Variants in CTNNA2 observed in about 807,000 individuals in gnomAD.
CTNNA2 encodes catenin alpha-2.
In CTNNA2, 42 loss-of-function variants were observed where a neutral mutation model predicts 101.0. That is an observed-to-expected ratio of 0.42 (90% CI 0.32 to 0.54). The LOEUF (loss-of-function observed/expected upper bound fraction) is 0.54. Ranked by LOEUF, CTNNA2 falls within the 20% of genes least tolerant of loss-of-function variation. CTNNA2 has a pLI of 0.14. For missense variants in CTNNA2, 871 were observed against 1,223.1 expected (o/e 0.71, Z 4.29); for synonymous variants, 450 against 456.4 (o/e 0.99, Z 0.18).
intron 4 of CTNNA2, among the ~76,000 whole-genome samples, chr2:79,472,284 G>C (rs1005837392): frequency 3.3e-5 from 5 of 152,236 alleles, no homozygotes; most frequent in African/African-American, 1.2e-4. Context: ...TTCATGCCCT[G>C]CCTTCAGGTG....
chr2:79,622,364 C>G (rs1679048137), intron 1 of CTNNA2, among the ~76,000 whole-genome samples: 1 of 152,102 alleles, frequency 6.6e-6, no homozygotes, highest in African/African-American at 2.4e-5. Flanking sequence ...ATGCGTTAAA[C>G]TCTGAAACAG....
At chr2:80,429,469 G>T (rs145456030) in intron 9 of CTNNA2, among the ~76,000 whole-genome samples, 1,851 of 152,192 alleles carry the variant, frequency 0.012, 31 homozygotes, top group African/African-American at 0.043. Flanking sequence ...GTGCCACACT[G>T]CCCCCAGGCT....
chr2:80,624,326 T>C (rs772300322), intron 18 of CTNNA2, among the ~76,000 whole-genome samples: 5 of 152,040 alleles, frequency 3.3e-5, no homozygotes, highest in Non-Finnish European at 4.4e-5. Flanking sequence ...CTATATGGTC[T>C]ATGTTGAAAA....
At chr2:80,592,724 T>A (rs1347441864) in intron 15 of CTNNA2, among the ~76,000 whole-genome samples, 3 of 151,800 alleles carry the variant, frequency 2.0e-5, no homozygotes, top group African/African-American at 7.3e-5. Context: ...TATATCTCAT[T>A]GGAGAGTCAC....
chr2:79,527,318 AC>A (rs1672467947), intron 1 of CTNNA2, among the ~76,000 whole-genome samples: 1 of 151,942 alleles, frequency 6.6e-6, no homozygotes, highest in South Asian at 2.1e-4. Flanking sequence ...ACGAGATCAC[AC>A]CTGCTAGACG....
At chr2:80,117,627 C>A (rs1045947122) in intron 7 of CTNNA2, among the ~76,000 whole-genome samples, 1 of 152,138 alleles carries the variant, frequency 6.6e-6, no homozygotes, top group Non-Finnish European at 1.5e-5. Context: ...TGTGAAGTCA[C>A]AGCTGGCTTT....
intron 7 of CTNNA2, among the ~76,000 whole-genome samples, chr2:80,392,678 A>G (rs11896302): frequency 0.19 from 28,993 of 152,098 alleles, 3,551 homozygotes; most frequent in African/African-American, 0.36. Flanking sequence ...CCACTACATG[A>G]CAGAGCAGAG....
At chr2:79,746,520 C>T (rs1038887172) in intron 3 of CTNNA2, among the ~76,000 whole-genome samples, 1 of 152,198 alleles carries the variant, frequency 6.6e-6, no homozygotes, top group African/African-American at 2.4e-5. Context: ...GAATGCAATG[C>T]ATGTCTATTG....
chr2:80,619,311 T>G, intron 18 of CTNNA2, 83 bp downstream of exon 18: 1 of 1,338,702 alleles, frequency 7.5e-7, no homozygotes, highest in Non-Finnish European at 9.7e-7. Context: ...TTTAGGGAAA[T>G]AAAAATGTGC....
chr2:80,008,892 A>G (rs914596122), intron 7 of CTNNA2, among the ~76,000 whole-genome samples: 4 of 152,212 alleles, frequency 2.6e-5, no homozygotes, highest in South Asian at 4.1e-4. Flanking sequence ...GATACTGACT[A>G]TCAACTTTTG....
intron 4 of CTNNA2, among the ~76,000 whole-genome samples, chr2:79,388,052 T>C (rs147907869): frequency 2.3e-4 from 35 of 152,288 alleles, no homozygotes; most frequent in African/African-American, 7.0e-4. Context: ...GAAATAATTG[T>C]GGTTTTTACT....
At chr2:79,441,542 G>A (rs1267542950) in intron 4 of CTNNA2, among the ~76,000 whole-genome samples, 2 of 152,052 alleles carry the variant, frequency 1.3e-5, no homozygotes, top group African/African-American at 2.4e-5. Flanking sequence ...AAACCACCAG[G>A]AAGTCCCTAC....
At chr2:80,089,919 C>A (rs545062444) in intron 7 of CTNNA2, among the ~76,000 whole-genome samples, 10 of 152,104 alleles carry the variant, frequency 6.6e-5, no homozygotes, top group South Asian at 6.2e-4. Context: ...CCCAGCTCTC[C>A]CCAGTTCTCT....
intron 4 of CTNNA2, among the ~76,000 whole-genome samples, chr2:79,499,662 A>C (rs926189041): frequency 5.3e-5 from 8 of 152,030 alleles, no homozygotes; most frequent in African/African-American, 7.2e-5. Context: ...CACTCACTCC[A>C]CACTGGCTAT....
At chr2:80,386,784 T>A (rs1677047785) in intron 7 of CTNNA2, among the ~76,000 whole-genome samples, 1 of 152,218 alleles carries the variant, frequency 6.6e-6, no homozygotes, top group South Asian at 2.1e-4. Flanking sequence ...TGAAGATTCC[T>A]TATACATTCA....
At chr2:79,589,661 G>A (rs947812072) in intron 1 of CTNNA2, among the ~76,000 whole-genome samples, 4 of 151,984 alleles carry the variant, frequency 2.6e-5, no homozygotes, top group South Asian at 2.1e-4. Context: ...AGGAGAGAAC[G>A]ATGTATGGCC....
intron 2 of CTNNA2, among the ~76,000 whole-genome samples, chr2:79,710,907 C>G (rs147839728): frequency 1.4e-3 from 212 of 152,278 alleles, no homozygotes; most frequent in African/African-American, 4.8e-3. Context: ...TATCCACAGG[C>G]TTTATGAGCT....
intron 4 of CTNNA2, among the ~76,000 whole-genome samples, chr2:79,398,495 C>T (rs1362586175): frequency 6.6e-6 from 1 of 151,962 alleles, no homozygotes; most frequent in African/African-American, 2.4e-5. Flanking sequence ...TCCATTTAAA[C>T]AAATTTTTAG....
At chr2:80,186,318 A>C (rs1222036793) in intron 7 of CTNNA2, among the ~76,000 whole-genome samples, 1 of 152,222 alleles carries the variant, frequency 6.6e-6, no homozygotes, top group Non-Finnish European at 1.5e-5. Context: ...GAAGGACTCC[A>C]TTGCTATTTA....
Sources: allele counts gnomAD v4.1 joint callset (sites outside exome capture counted in the v4.1 genomes callset), GRCh38; gene constraint gnomAD v4.1.1; transcripts MANE v1.5; gene names NCBI Gene and HGNC (gene_info 2026-07-23, HGNC 2026-07-21).